The following CSMD1 variants were observed in gnomAD, a reference collection of about 807,000 sequenced individuals.
CSMD1 encodes CUB and sushi domain-containing protein 1.
A neutral mutation model predicts 417.5 loss-of-function variants in CSMD1; 213 were observed. The ratio of observed to expected loss-of-function variants is 0.51; its 90% CI spans 0.46 to 0.57. The LOEUF is 0.57. Ranked by LOEUF, CSMD1 falls within the 20% of genes least tolerant of loss-of-function variation. The pLI, the probability that CSMD1 is intolerant of heterozygous loss-of-function variation, is 0.00. For synonymous variants in CSMD1, 2,862 were observed against 1,736.8 expected (o/e 1.65, Z -16.11); for missense variants, 6,923 against 4,529.7 (o/e 1.53, Z -15.17).
chr8:4,563,994 G>A (rs1326272124), intron 2 of CSMD1, among the ~76,000 whole-genome samples: 2 of 152,136 alleles, frequency 1.3e-5, no homozygotes, highest in Admixed American at 6.6e-5. Context: ...AGATTCCCAG[G>A]AAAATGAGGA....
At chr8:4,618,437 G>A (rs561097735) in intron 2 of CSMD1, among the ~76,000 whole-genome samples, 3 of 152,106 alleles carry the variant, frequency 2.0e-5, no homozygotes, top group East Asian at 1.9e-4. Flanking sequence ...CAGGACTCAC[G>A]GAGTGCTGTT....
At chr8:3,094,834 A>T (rs906643279) in intron 47 of CSMD1, among the ~76,000 whole-genome samples, 1 of 151,182 alleles carries the variant, frequency 6.6e-6, no homozygotes, top group Non-Finnish European at 1.5e-5. Context: ...AGAGAGAAAG[A>T]GACAGAAAGA....
intron 44 of CSMD1, 151 bp downstream of exon 44, chr8:3,108,452 C>G: frequency 1.5e-6 from 1 of 670,346 alleles, no homozygotes; most frequent in South Asian, 2.5e-5. Flanking sequence ...AAAAAAAGGA[C>G]CACAGGAAAC....
intron 26 of CSMD1, among the ~76,000 whole-genome samples, chr8:3,259,128 A>T (rs553437756): frequency 3.0e-4 from 45 of 152,356 alleles, no homozygotes; most frequent in African/African-American, 1.0e-3. Flanking sequence ...ACAAATTATT[A>T]TTCCAAGGGC....
Position 3,306,787 on chromosome 8 carries a change from ATGGTTTTGGAGACAGATTTCTGAGT to A in CSMD1, c.3950+883_3950+907del, listed in dbSNP as rs568929105. ...AAAATTACCTTTTGCCTTATGTGCT[ATGGTTTTGGAGACAGATTTCTGAGT>A]AGATCACCAAGAGCTTACTTTAAAA... On this transcript the variant is annotated intron_variant, in intron 25 of 69. Transcript: ENST00000635120. Among the ~76,000 whole-genome samples, 76 of 152,348 alleles carry A rather than the reference ATGGTTTTGGAGACAGATTTCTGAGT, an allele frequency of 5.0e-4. No individual in the cohort carries two copies. In the East Asian group the frequency reaches 0.011, roughly 22 times the overall value.
intron 2 of CSMD1, among the ~76,000 whole-genome samples, chr8:4,627,858 A>T (rs1327981570): frequency 6.6e-6 from 1 of 152,138 alleles, no homozygotes; most frequent in Non-Finnish European, 1.5e-5. Context: ...AAAGGTTTTC[A>T]CCCTTGGCAT....
chr8:3,240,516 G>A (rs1367142946), intron 26 of CSMD1, among the ~76,000 whole-genome samples: 1 of 151,970 alleles, frequency 6.6e-6, no homozygotes, highest in Non-Finnish European at 1.5e-5. Flanking sequence ...GAATTACGCC[G>A]AGATAGGTAA....
intron 7 of CSMD1, among the ~76,000 whole-genome samples, chr8:3,618,598 G>A (rs980493203): frequency 6.6e-6 from 1 of 151,980 alleles, no homozygotes; most frequent in Admixed American, 6.6e-5. Flanking sequence ...CAAGTTTGGT[G>A]ATAGCATCAG....
chr8:4,960,459 TAAAC>T (rs963414917), intron 1 of CSMD1, among the ~76,000 whole-genome samples: 27 of 152,178 alleles, frequency 1.8e-4, no homozygotes, highest in African/African-American at 4.3e-4. Flanking sequence ...GTGCTGGGGA[TAAAC>T]AAAGTACCAA....
intron 5 of CSMD1, among the ~76,000 whole-genome samples, chr8:3,780,306 A>C (rs79199462): frequency 0.017 from 2,564 of 152,320 alleles, 77 homozygotes; most frequent in African/African-American, 0.057. Context: ...GTATTCCGCA[A>C]ATGAGTCAAC....
chr8:3,220,457 C>T (rs1563155529), intron 28 of CSMD1, among the ~76,000 whole-genome samples: 1 of 152,192 alleles, frequency 6.6e-6, no homozygotes, highest in African/African-American at 2.4e-5. Flanking sequence ...ACTACGCACA[C>T]TCTAAGAGAA....
At chr8:4,651,125 G>C (rs983274961) in intron 1 of CSMD1, among the ~76,000 whole-genome samples, 1 of 152,074 alleles carries the variant, frequency 6.6e-6, no homozygotes, top group African/African-American at 2.4e-5. Context: ...GCAAAAAGCT[G>C]AGGCTAAAAT....
chr8:3,762,559 T>A (rs2129056391), intron 5 of CSMD1, among the ~76,000 whole-genome samples: 1 of 152,344 alleles, frequency 6.6e-6, no homozygotes, highest in South Asian at 2.1e-4. Flanking sequence ...GGCGTGTAAC[T>A]CCATTTGGTA....
chr8:4,432,006 G>T (rs1046359970), intron 2 of CSMD1, among the ~76,000 whole-genome samples: 1 of 152,106 alleles, frequency 6.6e-6, no homozygotes, highest in African/African-American at 2.4e-5. Context: ...ATTTGTCAAT[G>T]TATTCTCAAA....
chr8:3,848,125 T>G (rs1227364049), intron 5 of CSMD1, among the ~76,000 whole-genome samples: 1 of 152,106 alleles, frequency 6.6e-6, no homozygotes, highest in African/African-American at 2.4e-5. Context: ...CATATTGAAT[T>G]TATTTTTGCT....
intron 23 of CSMD1, among the ~76,000 whole-genome samples, chr8:3,338,600 G>A (rs1312324123): frequency 2.0e-5 from 3 of 152,160 alleles, no homozygotes; most frequent in African/African-American, 7.2e-5. Context: ...AAGTGCCTGG[G>A]CTCAGAGTCA....
At chr8:3,227,010 A>AG (rs1406595627) in intron 27 of CSMD1, among the ~76,000 whole-genome samples, 3 of 152,116 alleles carry the variant, frequency 2.0e-5, no homozygotes, top group African/African-American at 7.2e-5. Context: ...TGTGCCTTAA[A>AG]ATCTATAAAG....
At chr8:3,513,534 T>A (rs1390343085) in intron 10 of CSMD1, among the ~76,000 whole-genome samples, 1 of 152,128 alleles carries the variant, frequency 6.6e-6, no homozygotes, top group Non-Finnish European at 1.5e-5. Flanking sequence ...CCTCTTTATA[T>A]ATACACCTAT....
At chr8:3,522,992 TG>T (rs950504357) in intron 10 of CSMD1, among the ~76,000 whole-genome samples, 2 of 142,200 alleles carry the variant, frequency 1.4e-5, no homozygotes, top group Non-Finnish European at 3.0e-5. Context: ...ACATACAAAA[TG>T]GAGATACATA....
Sources: allele counts gnomAD v4.1 joint callset (sites outside exome capture counted in the v4.1 genomes callset), GRCh38; gene constraint gnomAD v4.1.1; transcripts MANE v1.5; gene names NCBI Gene and HGNC (gene_info 2026-07-23, HGNC 2026-07-21).